The following KIF26B variants were observed in gnomAD, a reference collection of about 807,000 sequenced individuals.
The protein encoded by KIF26B is kinesin-like protein KIF26B.
A neutral mutation model predicts 151.2 loss-of-function variants in KIF26B; 63 were observed. That is an observed-to-expected ratio of 0.42 (90% CI 0.34 to 0.51). The LOEUF (loss-of-function observed/expected upper bound fraction) is 0.51. KIF26B is among the 20% of genes least tolerant of loss of function. The probability of loss-of-function intolerance (pLI) is 0.07; values close to 1 mark genes in which losing one functional copy is unlikely to be tolerated. For synonymous variants in KIF26B, 1,357 were observed against 1,262.1 expected, an observed-to-expected ratio of 1.08 and a Z score of -1.59; for missense variants, 2,813 against 2,913.6, an observed-to-expected ratio of 0.97 and a Z score of 0.79.
At chr1:245,555,331 C>T (rs1661993120) in intron 5 of KIF26B, among the ~76,000 whole-genome samples, 3 of 152,202 alleles carry the variant, frequency 2.0e-5, no homozygotes, top group Admixed American at 6.5e-5. Flanking sequence ...TCATGAGCGC[C>T]TGGAACTAAG....
chr1:245,666,481 C>T (rs139961825), intron 10 of KIF26B, among the ~76,000 whole-genome samples: 2 of 152,176 alleles, frequency 1.3e-5, no homozygotes, highest in African/African-American at 4.8e-5. Flanking sequence ...CGAATTAAAG[C>T]CCTTGGAGGG....
chr1:245,683,244 C>T (rs1273339633), intron 10 of KIF26B, among the ~76,000 whole-genome samples: 2 of 152,108 alleles, frequency 1.3e-5, no homozygotes, highest in East Asian at 1.9e-4. Context: ...GACATGGGGA[C>T]GAATTCCTCT....
chr1:245,589,114 A>G (rs768125127), intron 5 of KIF26B, among the ~76,000 whole-genome samples: 7 of 152,212 alleles, frequency 4.6e-5, no homozygotes, highest in Non-Finnish European at 5.9e-5. Flanking sequence ...CATTTTAGAT[A>G]AGACCGTTCC....
chr1:245,244,756 TCACACACACA>T lies in KIF26B; in HGVS notation c.465+88100_465+88109del, dbSNP rs55638619. On this transcript the variant is annotated intron_variant, in intron 2 of 14. Transcript: ENST00000407071. This position sits in a 1 kb window ranked among gnomAD's most constrained non-coding sequence, Gnocchi z 4.2. The stretch of plus-strand genomic sequence containing the variant: ...AGAAGGAACACACAGACACGCACAC[TCACACACACA>T]CACACACACACACACACACACACAC... 9.5e-4 allele frequency among the ~76,000 whole-genome samples: 137 copies of T among 144,462 alleles called. No homozygotes were observed. The East Asian group carries it at 0.015, about 16-fold the overall frequency. 94.8% of individuals were successfully genotyped at this position (144,462 alleles called of 152,430 possible).
intron 5 of KIF26B, among the ~76,000 whole-genome samples, chr1:245,549,027 T>G (rs1628115): frequency 6.6e-6 from 1 of 152,060 alleles, no homozygotes; most frequent in Admixed American, 6.6e-5. Flanking sequence ...CAGGTGTGAG[T>G]CACAGCGCCC....
intron 2 of KIF26B, among the ~76,000 whole-genome samples, chr1:245,230,162 A>G (rs966447454): frequency 1.3e-5 from 2 of 151,972 alleles, no homozygotes. Context: ...AGCAAAAAAA[A>G]AAAAACAACA....
At chr1:245,255,618 G>A (rs975239701) in intron 2 of KIF26B, among the ~76,000 whole-genome samples, 5 of 152,148 alleles carry the variant, frequency 3.3e-5, no homozygotes, top group South Asian at 2.1e-4. Flanking sequence ...CAGTGGCTTC[G>A]TGCTGTAAAG....
At chr1:245,291,236 A>C (rs1671249043) in intron 2 of KIF26B, among the ~76,000 whole-genome samples, 2 of 152,168 alleles carry the variant, frequency 1.3e-5, no homozygotes, top group Non-Finnish European at 2.9e-5. Flanking sequence ...TGAGAGGAGG[A>C]ACTGCAAAGA....
rs917229959 is a variant in KIF26B at position 245,167,840 on chromosome 1, G to A, written c.465+11157G>A. On this transcript the variant is annotated intron_variant, in intron 2 of 14. Coordinates refer to ENST00000407071, the MANE Select transcript of KIF26B (RefSeq NM_018012.4). The surrounding 1 kb of genome is among the most constrained non-coding windows in gnomAD (Gnocchi z 4.2). The stretch of plus-strand genomic sequence containing the variant: ...ATGGGGGCTGAGGGATAGATGGGAG[G>A]AGGATAGAAAGGAGAGGAATAAGAG... 1.3e-5 allele frequency among the ~76,000 whole-genome samples: 2 copies of A among 152,112 alleles called. No individual in the cohort carries two copies. The highest frequency in any genetic ancestry group is 4.8e-5 in the African/African-American group (2 of 41,406).
intron 3 of KIF26B, among the ~76,000 whole-genome samples, chr1:245,418,872 T>C (rs1274474665): frequency 6.6e-6 from 1 of 152,180 alleles, no homozygotes; most frequent in Non-Finnish European, 1.5e-5. Context: ...ATTACGTAGA[T>C]TTAGGCAAAA....
At chr1:245,260,641 T>C (rs1670617122) in intron 2 of KIF26B, among the ~76,000 whole-genome samples, 3 of 152,230 alleles carry the variant, frequency 2.0e-5, no homozygotes, top group Admixed American at 1.3e-4. Flanking sequence ...TTCCTTCCTT[T>C]GACTGGCAGG....
chr1:245,476,897 G>A (rs1289422103), intron 4 of KIF26B, among the ~76,000 whole-genome samples: 1 of 151,728 alleles, frequency 6.6e-6, no homozygotes, highest in Non-Finnish European at 1.5e-5. Flanking sequence ...CACCCCCATA[G>A]TTCAAAGGGA....
At chr1:245,558,314 C>G (rs566574166) in intron 5 of KIF26B, among the ~76,000 whole-genome samples, 1 of 152,344 alleles carries the variant, frequency 6.6e-6, no homozygotes, top group South Asian at 2.1e-4. Context: ...CCTCTAGTTC[C>G]TGCTTCTCTC....
intron 2 of KIF26B, among the ~76,000 whole-genome samples, chr1:245,285,012 C>T (rs147802074): frequency 0.024 from 3,581 of 152,326 alleles, 59 homozygotes; most frequent in Non-Finnish European, 0.037. Context: ...GCACTCCAGC[C>T]TGGGCAACAA....
chr1:245,626,322 C>T (rs1376232557), intron 9 of KIF26B, among the ~76,000 whole-genome samples: 2 of 151,464 alleles, frequency 1.3e-5, no homozygotes, highest in African/African-American at 4.8e-5. Context: ...GTTTTCTATA[C>T]TGGCTGTACT....
chr1:245,566,379 C>T (rs1475225742), intron 5 of KIF26B, among the ~76,000 whole-genome samples: 7 of 152,236 alleles, frequency 4.6e-5, no homozygotes, highest in Non-Finnish European at 2.9e-5. Flanking sequence ...CCACAGGCTC[C>T]TCACGGATTT....
chr1:245,595,374 G>T lies in KIF26B; in HGVS notation c.1351-7203G>T, dbSNP rs920344591. On this transcript the variant is annotated intron_variant, in intron 5 of 14. Transcript: ENST00000407071. Reference sequence around the variant, plus strand: ...TTTACTGAGAGTTTTTAGCATGAAGGGGTGTTGAATTTTGTTGAAGGCCTT... The same window carrying T: ...TTTACTGAGAGTTTTTAGCATGAAGTGGTGTTGAATTTTGTTGAAGGCCTT... Among the ~76,000 whole-genome samples, 8 of 152,252 alleles carry T rather than the reference G, an allele frequency of 5.3e-5. No homozygotes were observed. The East Asian group carries it at 1.4e-3, about 26-fold the overall frequency.
intron 6 of KIF26B, among the ~76,000 whole-genome samples, chr1:245,604,068 G>A (rs1352097518): frequency 6.6e-6 from 1 of 152,164 alleles, no homozygotes; most frequent in African/African-American, 2.4e-5. Flanking sequence ...AACAGCACCT[G>A]TTCCTTCAGG....
chr1:245,575,311 C>T (rs2043108672), intron 5 of KIF26B, among the ~76,000 whole-genome samples: 1 of 151,814 alleles, frequency 6.6e-6, no homozygotes, highest in Non-Finnish European at 1.5e-5. Flanking sequence ...CTCATCTCTA[C>T]TAAAAATACA....
Sources: gnomAD v4.1 joint callset for allele counts (sites outside exome capture counted in the v4.1 genomes callset) on GRCh38, gnomAD v4.1.1 for gene constraint, Gnocchi (gnomAD v3.1) non-coding constraint, MANE v1.5 for transcripts, NCBI Gene and HGNC (gene_info 2026-07-23, HGNC 2026-07-21) for gene names.